Variants in RTCB observed in about 807,000 individuals in gnomAD.
RTCB encodes RNA-splicing ligase RTCB.
Under a neutral mutation model 58.2 loss-of-function variants are expected in RTCB, and 32 were observed. The ratio of observed to expected loss-of-function variants is 0.55; its 90% CI spans 0.41 to 0.74. The LOEUF is 0.74. Among genes scored for constraint, RTCB ranks in the 30% least tolerant of loss-of-function variants. The pLI is 0.00. For synonymous variants in RTCB, 247 were observed against 218.6 expected (o/e 1.13, Z -1.15); for missense variants, 523 against 639.0 (o/e 0.82, Z 1.96).
rs746274365 is a variant in RTCB at position 32,408,229 on chromosome 22, G to A, written c.186C>T (p.Phe62=). 5.0e-6 allele frequency: 8 copies of A among 1,614,080 alleles called. No individual in the cohort carries two copies. The East Asian group carries it at 1.8e-4, about 36-fold the overall frequency. ...NACRGGGVGG[F]LPAMKQIGNV... Reference sequence around the variant, plus strand: ...TGCCAATCTGTTTCATGGCTGGCAGGAAGCCACCAACACCTGAAGACAAAA... The same window carrying A: ...TGCCAATCTGTTTCATGGCTGGCAGAAAGCCACCAACACCTGAAGACAAAA... The change falls in exon 3 of 12, where the codon TTC becomes TTT. Residue 62 remains phenylalanine (F), a synonymous_variant. Coordinates refer to ENST00000216038, the MANE Select transcript of RTCB (RefSeq NM_014306.5).
rs1296068837 is a variant in RTCB, at chr22:32,406,678, T to C, written c.324A>G (p.Glu108=). Residue 108 remains glutamate (E), a synonymous_variant, in exon 4 of 12, where the codon GAA becomes GAG. Transcript: ENST00000216038. ...TGATCTTACCTGGGGATACTACTGCTTCAGGGTCATTCATATCAAAGGCTG... is the reference window on the plus strand; with the variant it reads ...TGATCTTACCTGGGGATACTACTGCCTCAGGGTCATTCATATCAAAGGCTG... ...NMAAFDMNDP[E]AVVSPGGVGF... 5 of 1,611,048 alleles carry C rather than the reference T, an allele frequency of 3.1e-6. No individual in the cohort carries two copies. The highest frequency in any genetic ancestry group is 3.4e-6 in the Non-Finnish European group (4 of 1,177,628).
intron 5 of RTCB, chr22:32,400,106 A>G: frequency 5.8e-6 from 1 of 172,510 alleles, no homozygotes; most frequent in Non-Finnish European, 1.2e-5. Context: ...ACAAAACAAA[A>G]CAAAAAACAA....
At chr22:32,391,248 G>A (rs757585170) in intron 11 of RTCB, among the ~76,000 whole-genome samples, 19 of 152,040 alleles carry the variant, frequency 1.2e-4, no homozygotes, top group Middle Eastern at 3.4e-3. Flanking sequence ...CTCAGCTGGT[G>A]GAATATTCAG....
intron 10 of RTCB, 112 bp from the exon 11 acceptor site, chr22:32,392,471 G>A (rs757286221): frequency 4.5e-5 from 63 of 1,387,020 alleles, no homozygotes; most frequent in Middle Eastern, 3.5e-4. Context: ...TTACTTTATC[G>A]AATTGGTAAC....
chr22:32,389,610 GCTT>G (rs145429719), intron 11 of RTCB, among the ~76,000 whole-genome samples: 5,255 of 152,156 alleles, frequency 0.035, 286 homozygotes, highest in African/African-American at 0.12. Flanking sequence ...ACTGTGCTCA[GCTT>G]CTTCTCTCCT....
intron 10 of RTCB, chr22:32,392,564 AGCAGCGCAGC>A: frequency 1.4e-6 from 1 of 717,444 alleles, no homozygotes; most frequent in Non-Finnish European, 2.5e-6. Flanking sequence ...CAGGGTATTC[AGCAGCGCAGC>A]GCAGTGTATT....
At chr22:32,397,885 A>G in intron 7 of RTCB, 56 bp downstream of exon 7, 4 of 1,541,408 alleles carry the variant, frequency 2.6e-6, no homozygotes, top group Non-Finnish European at 3.5e-6. Context: ...TTCGCTCTTA[A>G]ATTTCTATCT....
chr22:32,395,318 T>C, intron 8 of RTCB, 104 bp from the exon 9 acceptor site: 1 of 895,338 alleles, frequency 1.1e-6, no homozygotes, highest in Non-Finnish European at 1.7e-6. Context: ...CTGAAGGGAG[T>C]AAAAGATTTA....
At chr22:32,411,700 T>C (rs193060436) in intron 1 of RTCB, among the ~76,000 whole-genome samples, 1 of 152,298 alleles carries the variant, frequency 6.6e-6, no homozygotes, top group Admixed American at 6.5e-5. Context: ...CAAATGAACC[T>C]GGGGCTGGCT....
At chr22:32,402,982 T>C (rs1933362849) in intron 4 of RTCB, among the ~76,000 whole-genome samples, 1 of 152,088 alleles carries the variant, frequency 6.6e-6, no homozygotes, top group Non-Finnish European at 1.5e-5. Flanking sequence ...TGGGCTCAAG[T>C]GATCCTCCTG....
At chr22:32,403,343 C>T (rs1465025082) in intron 4 of RTCB, among the ~76,000 whole-genome samples, 1 of 151,852 alleles carries the variant, frequency 6.6e-6, no homozygotes, top group African/African-American at 2.4e-5. Context: ...GAAGGCGGAG[C>T]TTGCAGTGAG....
chr22:32,398,142 G>T, intron 6 of RTCB, 42 bp from the exon 7 acceptor site: 2 of 1,383,486 alleles, frequency 1.4e-6, no homozygotes, highest in Non-Finnish European at 2.0e-6. Context: ...TTTTATTCCA[G>T]TTTTTTTTTT....
At chr22:32,394,349 G>C (rs116566593) in intron 9 of RTCB, among the ~76,000 whole-genome samples, 2,894 of 152,166 alleles carry the variant, frequency 0.019, 83 homozygotes, top group African/African-American at 0.067. Flanking sequence ...CCGAACTCGT[G>C]ATTTGCCCGC....
rs1441048947 is a variant in RTCB at position 32,406,670 on chromosome 22, A to G, written c.332T>C (p.Val111Ala). ...AFDMNDPEAV[V>A]SPGGVGFDIN... Reference sequence around the variant, plus strand: ...GTCCACAGTGATCTTACCTGGGGATACTACTGCTTCAGGGTCATTCATATC... The same window carrying G: ...GTCCACAGTGATCTTACCTGGGGATGCTACTGCTTCAGGGTCATTCATATC... Residue 111 changes from valine to alanine, a missense_variant, in exon 4 of 12, where the codon GTA becomes GCA. Val to Ala is a moderately conservative substitution (Grantham distance 64). Transcript: ENST00000216038. 6.2e-7 allele frequency: 1 copy of G among 1,608,712 alleles called. No individual in the cohort carries two copies. The highest frequency in any genetic ancestry group is 2.2e-5 in the East Asian group (1 of 44,802).
chr22:32,406,854 G>C (rs1405185741), intron 3 of RTCB, 93 bp from the exon 4 acceptor site: 1 of 802,406 alleles, frequency 1.2e-6, no homozygotes, highest in African/African-American at 1.7e-5. Flanking sequence ...ACAGGTTGCA[G>C]GCTGAAGCTT....
At chr22:32,393,164 G>A (rs549865327) in intron 10 of RTCB, among the ~76,000 whole-genome samples, 12 of 152,274 alleles carry the variant, frequency 7.9e-5, no homozygotes, top group South Asian at 2.1e-4. Flanking sequence ...TTGAATTCCC[G>A]GCTTCAAGTG....
In RTCB at chr22:32,392,282, T is replaced by C. The variant is rs1933165327; in HGVS notation, c.1368A>G (p.Gly456=). Residue 456 remains glycine (G), a synonymous_variant, in exon 11 of 12, where the codon GGA becomes GGG. Transcript: ENST00000216038. ...QDVLDKLADM[G]IAIRVASPKL... ...TGGGTGAGGCAACACGGATCGCAAT[T>C]CCCATATCTGCCAATTTGTCTAAGA... 1 of 1,614,038 alleles carries C rather than the reference T, an allele frequency of 6.2e-7. No homozygotes were observed. The highest frequency in any genetic ancestry group is 1.3e-5 in the African/African-American group (1 of 75,018).
At chr22:32,389,385 C>CT (rs769098052) in intron 11 of RTCB, among the ~76,000 whole-genome samples, 3 of 152,172 alleles carry the variant, frequency 2.0e-5, no homozygotes, top group Non-Finnish European at 4.4e-5. Flanking sequence ...TCTATACCTT[C>CT]TCTCCTTTTA....
At chr22:32,401,664 A>T in intron 5 of RTCB, 83 bp downstream of exon 5, 1 of 1,428,096 alleles carries the variant, frequency 7.0e-7, no homozygotes, top group Non-Finnish European at 9.6e-7. Context: ...CTCATCTCTC[A>T]AGTGTACTGC....
Sources: allele counts gnomAD v4.1 joint callset (sites outside exome capture counted in the v4.1 genomes callset), GRCh38; gene constraint gnomAD v4.1.1; transcripts MANE v1.5; gene names NCBI Gene and HGNC (gene_info 2026-07-23, HGNC 2026-07-21).